FRMD4A: variants seen among roughly 807,000 people sequenced by gnomAD.
FRMD4A encodes FERM domain containing 4A, also known as FERM domain-containing protein 4A.
In FRMD4A, 29 loss-of-function variants were observed where a neutral mutation model predicts 129.1. The observed-to-expected ratio is 0.22, with a 90% CI of 0.17 to 0.31. FRMD4A has a LOEUF of 0.31. Among genes scored for constraint, FRMD4A ranks in the 10% least tolerant of loss-of-function variants. The pLI is 1.00. For missense variants in FRMD4A, 1,272 were observed against 1,375.8 expected (o/e 0.92, Z 1.19); for synonymous variants, 634 against 571.6 (o/e 1.11, Z -1.56).
chr10:13,720,879 A>G (rs568735596), intron 12 of FRMD4A, among the ~76,000 whole-genome samples: 1 of 152,342 alleles, frequency 6.6e-6, no homozygotes, highest in Admixed American at 6.5e-5. Context: ...GGACGATAGA[A>G]TATTATGCAG....
chr10:14,069,537 G>A (rs954079293), intron 2 of FRMD4A, among the ~76,000 whole-genome samples: 1 of 152,118 alleles, frequency 6.6e-6, no homozygotes, highest in Non-Finnish European at 1.5e-5. Context: ...ATTTTTCATT[G>A]ATCTATGACA....
At chr10:13,875,642 T>C (rs151177167) in intron 2 of FRMD4A, among the ~76,000 whole-genome samples, 3 of 152,320 alleles carry the variant, frequency 2.0e-5, no homozygotes, top group Admixed American at 6.5e-5. Flanking sequence ...GTGGGTACCA[T>C]ATTTTATACA....
At chr10:13,754,866 C>T (rs1030390290) in intron 8 of FRMD4A, among the ~76,000 whole-genome samples, 4 of 152,106 alleles carry the variant, frequency 2.6e-5, no homozygotes, top group East Asian at 1.9e-4. Context: ...GTCTATTTCT[C>T]GTACCATATG....
intron 2 of FRMD4A, among the ~76,000 whole-genome samples, chr10:14,099,377 G>T (rs1362222768): frequency 6.6e-6 from 1 of 152,178 alleles, no homozygotes; most frequent in Non-Finnish European, 1.5e-5. Flanking sequence ...AGATAATTAC[G>T]ATCAGAATAG....
At chr10:14,004,558 GA>G (rs1033228548) in intron 2 of FRMD4A, among the ~76,000 whole-genome samples, 3 of 149,920 alleles carry the variant, frequency 2.0e-5, no homozygotes, top group Admixed American at 6.6e-5. Context: ...AAAACAAACA[GA>G]AAAAAAAAGA....
chr10:13,688,096 G>A (rs767232519), intron 15 of FRMD4A, among the ~76,000 whole-genome samples: 2 of 152,164 alleles, frequency 1.3e-5, no homozygotes, highest in Admixed American at 6.5e-5. Context: ...GTGATGAGCA[G>A]GACTGTCAAG....
intron 2 of FRMD4A, among the ~76,000 whole-genome samples, chr10:14,274,126 G>A (rs1241765648): frequency 1.3e-5 from 2 of 152,214 alleles, no homozygotes; most frequent in Non-Finnish European, 2.9e-5. Flanking sequence ...GTGCCTTGAA[G>A]CAAGGCCTGG....
chr10:13,761,881 A>G (rs1208181780), intron 7 of FRMD4A, among the ~76,000 whole-genome samples: 1 of 152,254 alleles, frequency 6.6e-6, no homozygotes, highest in Non-Finnish European at 1.5e-5. Flanking sequence ...CTAGAAACTT[A>G]TATACAAAGT....
At chr10:13,730,724 G>GT (rs141742955) in intron 12 of FRMD4A, among the ~76,000 whole-genome samples, 15,752 of 151,786 alleles carry the variant, frequency 0.1, 934 homozygotes, top group Non-Finnish European at 0.13. Flanking sequence ...TGCAAGATTT[G>GT]TTTTTTTGGC....
In FRMD4A at chr10:13,657,250, C is replaced by T. The variant is rs745902269; in HGVS notation, c.2339G>A (p.Arg780His). The change falls in exon 22 of 25, where the codon CGC becomes CAC. Residue 780 changes from arginine (R) to histidine (H), a missense_variant. By Grantham distance (29) the Arg-to-His change is conservative. This residue lies in a region of FRMD4A where 972 missense variants were observed against 892.3 expected (regional missense o/e 1.09). Transcript: ENST00000357447. ...CCGCTGCCGCTGCCTCTGCCTCTGG[C>T]GCGCCTTGGACGGCGAGTCCTCGGC... Reference protein sequence around the residue: ...TLAEDSPSKARQRQRQRQRAA... With the variant: ...TLAEDSPSKAHQRQRQRQRAA... 3 of 1,592,118 alleles carry T rather than the reference C, an allele frequency of 1.9e-6. No homozygotes were observed. Among genetic ancestry groups the T allele is most frequent in the South Asian group, 2.2e-5 (2 of 88,952 alleles).
At chr10:13,983,572 T>C (rs2095569855) in intron 2 of FRMD4A, among the ~76,000 whole-genome samples, 1 of 152,130 alleles carries the variant, frequency 6.6e-6, no homozygotes, top group Non-Finnish European at 1.5e-5. Context: ...TATAATTCCC[T>C]AGAGAAGAAG....
intron 12 of FRMD4A, among the ~76,000 whole-genome samples, chr10:13,717,830 G>A (rs560754688): frequency 5.0e-4 from 76 of 151,814 alleles, no homozygotes; most frequent in African/African-American, 1.6e-3. Flanking sequence ...CGGACTGTAC[G>A]GAAGATGGGG....
chr10:13,789,346 C>T (rs117416939), intron 5 of FRMD4A, among the ~76,000 whole-genome samples: 222 of 152,284 alleles, frequency 1.5e-3, no homozygotes, highest in African/African-American at 4.5e-3. Context: ...CCTCCCCGAT[C>T]GGACTTCTCC....
intron 2 of FRMD4A, among the ~76,000 whole-genome samples, chr10:14,301,265 G>C (rs969985601): frequency 6.6e-6 from 1 of 152,132 alleles, no homozygotes; most frequent in Admixed American, 6.5e-5. Context: ...CGTTCCCCTG[G>C]AATAAACTCT....
At chr10:14,301,440 C>T (rs923412475) in intron 2 of FRMD4A, among the ~76,000 whole-genome samples, 9 of 152,182 alleles carry the variant, frequency 5.9e-5, no homozygotes, top group Non-Finnish European at 8.8e-5. Flanking sequence ...ATAGAGGAAA[C>T]GTCTCCTAGA....
chr10:14,021,335 C>T (rs1361342690), intron 2 of FRMD4A, among the ~76,000 whole-genome samples: 3 of 151,578 alleles, frequency 2.0e-5, no homozygotes, highest in Non-Finnish European at 4.4e-5. Flanking sequence ...TGAACCCAGA[C>T]ATTCAAGACA....
chr10:14,093,387 GGAAAACAT>G (rs1836766009), intron 2 of FRMD4A, among the ~76,000 whole-genome samples: 1 of 152,130 alleles, frequency 6.6e-6, no homozygotes, highest in Admixed American at 6.5e-5. Context: ...TTACCTGCTA[GGAAAACAT>G]TGAGTTTAAA....
At chr10:13,676,250 A>G (rs942062631) in intron 15 of FRMD4A, among the ~76,000 whole-genome samples, 3 of 151,908 alleles carry the variant, frequency 2.0e-5, no homozygotes, top group Admixed American at 6.6e-5. Context: ...AAAGCTGATT[A>G]TAACTTTTCT....
chr10:13,731,542 G>A (rs1424027037), intron 12 of FRMD4A, among the ~76,000 whole-genome samples: 1 of 151,568 alleles, frequency 6.6e-6, no homozygotes, highest in African/African-American at 2.4e-5. Context: ...CTAGTTACTC[G>A]GGAGGCTGAG....
Sources: gnomAD v4.1 joint callset for allele counts (sites outside exome capture counted in the v4.1 genomes callset) on GRCh38, gnomAD v4.1.1 for gene constraint, gnomAD v4.1.1 regional missense constraint, MANE v1.5 for transcripts, NCBI Gene and HGNC (gene_info 2026-07-23, HGNC 2026-07-21) for gene names.